The following NPM1 variants were observed in gnomAD, a reference collection of about 807,000 sequenced individuals.
The protein encoded by NPM1 is nucleophosmin.
Under a neutral mutation model 44.1 loss-of-function variants are expected in NPM1, and 1 was observed. That is an observed-to-expected ratio of 0.02 (90% confidence interval 0.01 to 0.11). NPM1 has a LOEUF of 0.11. NPM1 is among the 10% of genes least tolerant of loss of function. The pLI is 1.00. For missense variants in NPM1, 197 were observed against 347.8 expected (o/e 0.57, Z 3.45); for synonymous variants, 126 against 111.8 (o/e 1.13, Z -0.80).
rs1318228875 is a variant in NPM1, at chr5:171,404,050, C to T, written c.670-1252C>T. 4.6e-5 allele frequency among the ~76,000 whole-genome samples: 3 copies of T among 65,574 alleles called. 1 individual carries two copies. Among genetic ancestry groups the T allele is most frequent in the African/African-American group, 2.1e-4 (3 of 14,376 alleles). 43.0% of individuals were successfully genotyped at this position (65,574 alleles called of 152,430 possible). A position where few individuals can be genotyped will look rare whatever the true frequency, so the allele number is the denominator to read the frequency against. ...GGGGCGGCCGGGCAGAGGCAACCCT[C>T]ACCTCCCGGACGGGGCGGCTGGCCG... On this transcript the variant is annotated intron_variant, in intron 8 of 10. Transcript: ENST00000296930.
In NPM1 at chr5:171,387,885, T is replaced by G. The variant is rs180887715; in HGVS notation, c.-64T>G. 1 of 1,509,358 alleles carries G rather than the reference T, an allele frequency of 6.6e-7. No individual in the cohort carries two copies. The highest frequency in any genetic ancestry group is 9.2e-7 in the Non-Finnish European group (1 of 1,087,288). 93.5% of individuals were successfully genotyped at this position (1,509,358 alleles called of 1,614,324 possible). A position where few individuals can be genotyped will look rare whatever the true frequency, so the allele number is the denominator to read the frequency against. ...GTGATTCCGTCCTGCGCGGTTGTTCTCTGGAGCAGCGTTCTTTTATCTCCG... is the reference window on the plus strand; with the variant it reads ...GTGATTCCGTCCTGCGCGGTTGTTCGCTGGAGCAGCGTTCTTTTATCTCCG... On this transcript the variant is annotated 5_prime_UTR_variant, in exon 1 of 11. Coordinates refer to ENST00000296930, the MANE Select transcript of NPM1 (RefSeq NM_002520.7).
chr5:171,405,652 GATA>G, intron 9 of NPM1: 2 of 438,526 alleles, frequency 4.6e-6, no homozygotes, highest in Non-Finnish European at 8.1e-6. Flanking sequence ...CTGGTTGCAA[GATA>G]ACATTCTGAC....
At position 171,388,358 on chromosome 5, in the gene NPM1, A is replaced by G. The variant is rs1770378222; in HGVS notation, c.58+352A>G. Among the ~76,000 whole-genome samples the G allele has an allele frequency of 3.3e-5, 5 of 152,148 alleles. No homozygotes were observed. The South Asian group carries it at 1.0e-3, about 32-fold the overall frequency. On this transcript the variant is annotated intron_variant, in intron 1 of 10. Coordinates refer to ENST00000296930, the MANE Select transcript of NPM1 (RefSeq NM_002520.7). ...GTTTATTTTCTAACGGCGGTGGTTC[A>G]TAGGCTTCTGATGCCAGGCCCCGGG...
At chr5:171,388,760 G>C (rs1038907522) in intron 1 of NPM1, among the ~76,000 whole-genome samples, 1 of 152,200 alleles carries the variant, frequency 6.6e-6, no homozygotes. Context: ...TGTGATGGCA[G>C]CTCTCATTTT....
intron 6 of NPM1, among the ~76,000 whole-genome samples, chr5:171,393,393 A>G (rs1770697137): frequency 6.6e-6 from 1 of 152,232 alleles, no homozygotes; most frequent in South Asian, 2.1e-4. Flanking sequence ...AAGGTTTGTT[A>G]TTCCCTAAAA....
chr5:171,391,888 G>C (rs1770592196), intron 4 of NPM1, 89 bp downstream of exon 4: 1 of 693,660 alleles, frequency 1.4e-6, no homozygotes, highest in South Asian at 1.8e-5. Flanking sequence ...CATGGGTATA[G>C]TACTACTGTC....
In NPM1 at chr5:171,404,226, G is replaced by A. The variant is rs1171325969; in HGVS notation, c.670-1076G>A. Among the ~76,000 whole-genome samples, 2 of 106,352 alleles carry A rather than the reference G, an allele frequency of 1.9e-5. 1 individual carries two copies. Among genetic ancestry groups the A allele is most frequent in the Non-Finnish European group, 3.9e-5 (2 of 50,700 alleles). The allele number at this position is 106,352 out of a possible 152,430, so 69.8% of individuals were successfully genotyped here. A position where few individuals can be genotyped will look rare whatever the true frequency, so the allele number is the denominator to read the frequency against. On this transcript the variant is annotated intron_variant, in intron 8 of 10. Coordinates refer to ENST00000296930, the MANE Select transcript of NPM1 (RefSeq NM_002520.7). ...TCCCAGATAGGGCGGCTGGCCGGGC[G>A]GGGGGTTGACCCCCCCCCACCTCCC...
chr5:171,400,029 G>A, intron 6 of NPM1, 124 bp from the exon 7 acceptor site: 1 of 651,958 alleles, frequency 1.5e-6, no homozygotes, highest in Non-Finnish European at 2.8e-6. Context: ...TCACCTCTTG[G>A]CTGTTGTGAA....
chr5:171,391,440 T>C lies in NPM1; in HGVS notation c.258+16T>C. Reference sequence around the variant, plus strand: ...ACAGCCAACGGTAAGGGCACTTACATACTTTGGATGTTGTGTCAAGGTTTA... The same window carrying C: ...ACAGCCAACGGTAAGGGCACTTACACACTTTGGATGTTGTGTCAAGGTTTA... On this transcript the variant is annotated intron_variant, in intron 3 of 10. Transcript: ENST00000296930. The C allele has an allele frequency of 6.2e-7, 1 of 1,605,152 alleles. No homozygotes were observed.
chr5:171,388,250 AGGCCCGG>A (rs1458967650), intron 1 of NPM1, among the ~76,000 whole-genome samples: 1 of 152,072 alleles, frequency 6.6e-6, no homozygotes, highest in Non-Finnish European at 1.5e-5. Context: ...GAGCGGTCCG[AGGCCCGG>A]GGCCTGAGGT....
intron 1 of NPM1, among the ~76,000 whole-genome samples, chr5:171,389,626 A>G (rs1378917954): frequency 6.6e-6 from 1 of 152,146 alleles, no homozygotes; most frequent in Non-Finnish European, 1.5e-5. Flanking sequence ...TTTCTTTTGT[A>G]ATAGTAAGCT....
Position 171,405,335 on chromosome 5 carries a change from C to G in NPM1, c.703C>G (p.Pro235Ala). 3.8e-6 allele frequency: 6 copies of G among 1,593,438 alleles called. No homozygotes were observed. The highest frequency in any genetic ancestry group is 5.1e-6 in the Non-Finnish European group (6 of 1,165,404). ...QESFKKQEKT[P>A]KTPKGPSSVE... ...ATCCTTCAAGAAACAGGAAAAAACT[C>G]CTAAAACACCAAAAGGACCTAGTTC... Residue 235 changes from proline (P) to alanine (A), a missense_variant, in exon 9 of 11, where the codon CCT becomes GCT. By Grantham distance (27) the Pro-to-Ala change is conservative. Coordinates refer to ENST00000296930, the MANE Select transcript of NPM1 (RefSeq NM_002520.7).
At chr5:171,402,082 T>A (rs1771232137) in intron 8 of NPM1, among the ~76,000 whole-genome samples, 2 of 147,546 alleles carry the variant, frequency 1.4e-5, no homozygotes, top group Admixed American at 6.8e-5. Context: ...CCTGATGAAA[T>A]AGTTTATTTA....
At chr5:171,404,887 C>G (rs1168580472) in intron 8 of NPM1, among the ~76,000 whole-genome samples, 1 of 152,176 alleles carries the variant, frequency 6.6e-6, no homozygotes, top group Non-Finnish European at 1.5e-5. Context: ...CCCTGATTTC[C>G]TTTTTTGAAC....
intron 6 of NPM1, among the ~76,000 whole-genome samples, chr5:171,393,216 G>A (rs140521385): frequency 3.3e-5 from 5 of 152,312 alleles, no homozygotes; most frequent in African/African-American, 1.2e-4. Flanking sequence ...CTTCAGAAGG[G>A]TAGACTATAG....
At chr5:171,406,777 T>G in intron 9 of NPM1, 1 of 990,070 alleles carries the variant, frequency 1.0e-6, no homozygotes, top group South Asian at 4.8e-5. Flanking sequence ...TGAGGTTTAT[T>G]TTACTAGGTT....
Position 171,405,291 on chromosome 5 carries a change from T to A in NPM1, c.670-11T>A. ...TTCTTATGACCTTTTGGAAATTCAT[T>A]TCTTTTTCAGGGACAAGAATCCTTC... On this transcript the variant is annotated splice_polypyrimidine_tract_variant and intron_variant, in intron 8 of 10. Coordinates refer to ENST00000296930, the MANE Select transcript of NPM1 (RefSeq NM_002520.7). The A allele has an allele frequency of 7.2e-7, 1 of 1,385,068 alleles. No individual in the cohort carries two copies. Among genetic ancestry groups the A allele is most frequent in the Non-Finnish European group, 1.0e-6 (1 of 990,662 alleles). 85.8% of individuals were successfully genotyped at this position (1,385,068 alleles called of 1,614,324 possible).
chr5:171,407,859 G>C, intron 10 of NPM1, 85 bp downstream of exon 10: 1 of 806,668 alleles, frequency 1.2e-6, no homozygotes, highest in East Asian at 2.5e-5. Flanking sequence ...TTAAGTGTTG[G>C]CTCTTTTTAA....
At chr5:171,400,460 C>CTT (rs199784076) in intron 7 of NPM1, among the ~76,000 whole-genome samples, 19 of 138,702 alleles carry the variant, frequency 1.4e-4, no homozygotes, top group Admixed American at 2.9e-4. Context: ...TTTTTCCTTC[C>CTT]TTTTTTTTTT....
Sources: allele counts gnomAD v4.1 joint callset (sites outside exome capture counted in the v4.1 genomes callset), GRCh38; gene constraint gnomAD v4.1.1; transcripts MANE v1.5; gene names NCBI Gene and HGNC (gene_info 2026-07-23, HGNC 2026-07-21).